Variants in RAB38 observed in about 807,000 individuals in gnomAD.
RAB38 encodes RAB38, member RAS oncogene family, also known as ras-related protein Rab-38.
RAB38 carries 15 observed loss-of-function variants against 18.4 expected under a neutral mutation model. The observed-to-expected ratio is 0.82, with a 90% CI of 0.55 to 1.26. The LOEUF is 1.26. Among genes scored for constraint, RAB38 ranks in the 50% most tolerant of loss-of-function variants. RAB38 has a pLI of 0.00. For missense variants in RAB38, 294 were observed against 267.4 expected, an observed-to-expected ratio of 1.10 and a Z score of -0.69; for synonymous variants, 101 against 104.4, an observed-to-expected ratio of 0.97 and a Z score of 0.20.
chr11:87,828,047 T>C, the RAB38 span, among the ~76,000 whole-genome samples: 1 of 152,316 alleles, frequency 6.6e-6, no homozygotes, highest in Middle Eastern at 3.4e-3. Flanking sequence ...TTGACAAATG[T>C]ATATGGTAAT....
At chr11:88,119,856 C>T (rs1942608314) in intron 2 of RAB38, among the ~76,000 whole-genome samples, 1 of 152,010 alleles carries the variant, frequency 6.6e-6, no homozygotes, top group Non-Finnish European at 1.5e-5. Context: ...AGCAGATGGC[C>T]TACTGGATAA....
chr11:88,025,407 T>C, the RAB38 span, among the ~76,000 whole-genome samples: 18 of 152,166 alleles, frequency 1.2e-4, no homozygotes, highest in African/African-American at 4.1e-4. Flanking sequence ...AGTAACGGGA[T>C]TGCTAGGTCA....
At chr11:88,032,218 C>A in the RAB38 span, among the ~76,000 whole-genome samples, 1 of 152,116 alleles carries the variant, frequency 6.6e-6, no homozygotes, top group Non-Finnish European at 1.5e-5. Flanking sequence ...ACACCTTATA[C>A]AAAAATCAAT....
the RAB38 span, among the ~76,000 whole-genome samples, chr11:87,870,799 C>G: frequency 2.6e-5 from 4 of 151,532 alleles, no homozygotes. Flanking sequence ...ACCTTATCAT[C>G]ATATGGGACT....
chr11:87,826,461 C>G, the RAB38 span, among the ~76,000 whole-genome samples: 1 of 151,980 alleles, frequency 6.6e-6, no homozygotes, highest in African/African-American at 2.4e-5. Flanking sequence ...TTTACTGTGA[C>G]ATTGCTTTTT....
the RAB38 span, among the ~76,000 whole-genome samples, chr11:87,874,958 A>G: frequency 6.6e-6 from 1 of 151,512 alleles, no homozygotes; most frequent in Admixed American, 6.6e-5. Context: ...ATATATTCAA[A>G]GGAGTTGAAA....
At chr11:88,144,024 C>T (rs1014212330) in intron 2 of RAB38, among the ~76,000 whole-genome samples, 20 of 152,170 alleles carry the variant, frequency 1.3e-4, no homozygotes, top group Non-Finnish European at 2.5e-4. Context: ...CTTCAGAAAA[C>T]AATTTTCATT....
chr11:88,053,487 A>G, the RAB38 span, among the ~76,000 whole-genome samples: 1 of 147,792 alleles, frequency 6.8e-6, no homozygotes, highest in African/African-American at 2.5e-5. Context: ...ACACATATAT[A>G]TGGAATATAT....
chr11:87,937,712 G>A, the RAB38 span, among the ~76,000 whole-genome samples: 9 of 152,018 alleles, frequency 5.9e-5, no homozygotes, highest in East Asian at 5.8e-4. Context: ...TGTTAAGCCC[G>A]TCTACTGAGT....
the RAB38 span, among the ~76,000 whole-genome samples, chr11:87,939,518 C>G: frequency 6.6e-6 from 1 of 152,004 alleles, no homozygotes; most frequent in Non-Finnish European, 1.5e-5. Flanking sequence ...TAGTGGCATA[C>G]TTTGTCCTTC....
chr11:87,900,070 A>G, the RAB38 span, among the ~76,000 whole-genome samples: 2 of 151,556 alleles, frequency 1.3e-5, no homozygotes, highest in Non-Finnish European at 3.0e-5. Context: ...GAAAAACTCA[A>G]GTGGTCCTTA....
chr11:88,094,810 A>T, the RAB38 span, among the ~76,000 whole-genome samples: 2 of 151,896 alleles, frequency 1.3e-5, no homozygotes, highest in Non-Finnish European at 2.9e-5. Context: ...CTGGCAGGCA[A>T]TTATATATTT....
Position 88,123,813 on chromosome 11 carries a change from T to C in RAB38, c.484-9673A>G, listed in dbSNP as rs3758838. Among the ~76,000 whole-genome samples the C allele has an allele frequency of 1.7e-4, 26 of 152,308 alleles. No individual in the cohort carries two copies. In the East Asian group the frequency reaches 4.1e-3, roughly 24 times the overall value. ...ATTTTACTGGGGCAAATGTAGAAGT[T>C]AAGTAATATTATGTATTTTTACGAC... On this transcript the variant is annotated intron_variant, in intron 2 of 2. Transcript: ENST00000243662.
chr11:88,149,723 C>A lies in RAB38; in HGVS notation c.435G>T (p.Gln145His), dbSNP rs1435170466. 1 of 1,614,170 alleles carries A rather than the reference C, an allele frequency of 6.2e-7. No individual in the cohort carries two copies. The highest frequency in any genetic ancestry group is 8.5e-7 in the Non-Finnish European group (1 of 1,180,024). ...CTACGAAACCGTGCTCCTTGCAGAA[C>A]TGGTCCATCTTGAGGCCATTGTTCA... ...VLMNNGLKMD[Q>H]FCKEHGFVGW... is the part of the protein sequence containing the mutation. The change falls in exon 2 of 3, where the codon CAG becomes CAT. Residue 145 changes from glutamine (Q) to histidine (H), a missense_variant. By Grantham distance (24) the Gln-to-His change is conservative. Coordinates refer to ENST00000243662, the MANE Select transcript of RAB38 (RefSeq NM_022337.3).
At chr11:88,036,752 T>G in the RAB38 span, among the ~76,000 whole-genome samples, 2 of 152,016 alleles carry the variant, frequency 1.3e-5, no homozygotes, top group Non-Finnish European at 2.9e-5. Context: ...GAACTATTAA[T>G]ATAAGGATTT....
chr11:88,023,834 A>G, the RAB38 span, among the ~76,000 whole-genome samples: 1 of 152,168 alleles, frequency 6.6e-6, no homozygotes, highest in South Asian at 2.1e-4. Context: ...GGAAAACTGG[A>G]TATCCCTATA....
chr11:88,011,892 C>T, the RAB38 span, among the ~76,000 whole-genome samples: 2 of 152,174 alleles, frequency 1.3e-5, no homozygotes, highest in Non-Finnish European at 2.9e-5. Context: ...GTAAGGCACA[C>T]TGTCTTTTGA....
the RAB38 span, among the ~76,000 whole-genome samples, chr11:87,870,050 T>C: frequency 1.3e-5 from 2 of 151,688 alleles, no homozygotes; most frequent in East Asian, 1.9e-4. Context: ...CATCTTAATA[T>C]TACCTGTAGA....
chr11:87,941,214 G>GAGATATATATATATATATAT, the RAB38 span, among the ~76,000 whole-genome samples: 17 of 62,536 alleles, frequency 2.7e-4, no homozygotes, highest in Non-Finnish European at 4.4e-4. Flanking sequence ...AAATATATGA[G>GAGATATATATATATATATAT]ATATATATAT....
Sources: gnomAD v4.1 joint callset for allele counts (sites outside exome capture counted in the v4.1 genomes callset) on GRCh38, gnomAD v4.1.1 for gene constraint, MANE v1.5 for transcripts, NCBI Gene and HGNC (gene_info 2026-07-23, HGNC 2026-07-21) for gene names.